The following DENND1B variants were observed in gnomAD, a reference collection of about 807,000 sequenced individuals.
DENND1B encodes the protein DENN domain-containing protein 1B.
Under a neutral mutation model 90.1 loss-of-function variants are expected in DENND1B, and 59 were observed. The observed-to-expected ratio is 0.65, with a 90% CI of 0.53 to 0.81. The LOEUF (loss-of-function observed/expected upper bound fraction) is 0.81, where lower values mean the gene tolerates loss of function less well. Among genes scored for constraint, DENND1B ranks in the 40% least tolerant of loss-of-function variants. The pLI is 0.00. For missense variants in DENND1B, 862 were observed against 912.6 expected, an observed-to-expected ratio of 0.94 and a Z score of 0.71; for synonymous variants, 337 against 324.6, an observed-to-expected ratio of 1.04 and a Z score of -0.41.
intron 6 of DENND1B, among the ~76,000 whole-genome samples, chr1:197,652,830 A>G (rs1338550452): frequency 6.6e-6 from 1 of 152,100 alleles, no homozygotes; most frequent in African/African-American, 2.4e-5. Flanking sequence ...TTGACCCACA[A>G]TAAATGGGAT....
intron 20 of DENND1B, among the ~76,000 whole-genome samples, chr1:197,529,433 A>C (rs1433260502): frequency 6.6e-6 from 1 of 151,456 alleles, no homozygotes; most frequent in African/African-American, 2.4e-5. Flanking sequence ...GCTTAACAAC[A>C]AAAAGCTTCA....
intron 5 of DENND1B, among the ~76,000 whole-genome samples, chr1:197,661,892 A>G (rs968065279): frequency 6.6e-6 from 1 of 152,054 alleles, no homozygotes; most frequent in Admixed American, 6.6e-5. Flanking sequence ...ATACAGATAA[A>G]TATAATTTAT....
At chr1:197,593,376 G>A in intron 14 of DENND1B, among the ~76,000 whole-genome samples, 1 of 147,940 alleles carries the variant, frequency 6.8e-6, no homozygotes, top group Non-Finnish European at 1.5e-5. Context: ...ACTAGCAGCA[G>A]AAATGAAAAC....
intron 10 of DENND1B, among the ~76,000 whole-genome samples, chr1:197,626,172 C>G (rs879100330): frequency 6.6e-6 from 1 of 152,044 alleles, no homozygotes; most frequent in East Asian, 1.9e-4. Flanking sequence ...CCAAGCAGAC[C>G]TAATAGACAT....
In DENND1B at chr1:197,682,685, A is replaced by C. The variant is rs530057292; in HGVS notation, c.127-8516T>G. ...TAAATAGAGAAATGAAGAGCGAATA[A>C]GAAGTTGGCCAGGCTACAGCATGAG... On this transcript the variant is annotated intron_variant, in intron 3 of 22. Transcript: ENST00000620048. Among the ~76,000 whole-genome samples, 7 of 152,254 alleles carry C rather than the reference A, an allele frequency of 4.6e-5. No individual in the cohort carries two copies. The East Asian group carries it at 1.4e-3, about 29-fold the overall frequency.
chr1:197,619,600 T>G (rs1572086817), intron 10 of DENND1B, among the ~76,000 whole-genome samples: 1 of 151,180 alleles, frequency 6.6e-6, no homozygotes, highest in Non-Finnish European at 1.5e-5. Context: ...AACACGTTCT[T>G]AATGTGAGGT....
chr1:197,671,768 T>A lies in DENND1B; in HGVS notation c.296+269A>T, dbSNP rs1052833183. 2.0e-5 allele frequency among the ~76,000 whole-genome samples: 3 copies of A among 152,082 alleles called. No individual in the cohort carries two copies. In the East Asian group the frequency reaches 5.8e-4, roughly 29 times the overall value. On this transcript the variant is annotated intron_variant, in intron 5 of 22. Coordinates refer to ENST00000620048, the MANE Select transcript of DENND1B (RefSeq NM_001195215.2). ...TATTCCATTTAATAGGTGAAACTCA[T>A]ATTATTTGAATACATCTCTTTATAT...
At chr1:197,608,653 T>C (rs562488483) in intron 12 of DENND1B, among the ~76,000 whole-genome samples, 1 of 150,722 alleles carries the variant, frequency 6.6e-6, no homozygotes, top group South Asian at 2.1e-4. Context: ...GATAATCTAA[T>C]AAACCTGATG....
rs752666928 is a variant in DENND1B at position 197,735,597 on chromosome 1, G to T, written c.83-20523C>A. On this transcript the variant is annotated intron_variant, in intron 2 of 22. Coordinates refer to ENST00000620048, the MANE Select transcript of DENND1B (RefSeq NM_001195215.2). Reference sequence around the variant, plus strand: ...CTAAAGGGTATTACTCGAAAATACAGGTTGGGGCCATCTTTTCTCCTCCCG... The same window carrying T: ...CTAAAGGGTATTACTCGAAAATACATGTTGGGGCCATCTTTTCTCCTCCCG... The T allele has an allele frequency of 2.5e-6, 4 of 1,614,146 alleles. No homozygotes were observed. The South Asian group carries it at 3.3e-5, about 13-fold the overall frequency.
rs1340210259 is a variant in DENND1B, at chr1:197,768,276, TA to T, written c.82+4591del. 5.3e-3 allele frequency among the ~76,000 whole-genome samples: 800 copies of T among 151,554 alleles called. 7 individuals are homozygous for T. Among genetic ancestry groups the T allele is most frequent in the African/African-American group, 0.018 (763 of 41,324 alleles). On this transcript the variant is annotated intron_variant, in intron 2 of 22. Transcript: ENST00000620048. ...CCTTTCCTCCTCCTCCTCCTCCTCC[TA>T]CTACTACTGCTACTATTACTACTTG...
chr1:197,674,221 G>T, intron 3 of DENND1B, 52 bp from the exon 4 acceptor site: 1 of 1,397,614 alleles, frequency 7.2e-7, no homozygotes, highest in Non-Finnish European at 9.8e-7. Flanking sequence ...TATTTTTTAA[G>T]AAGCAGTTAA....
At chr1:197,767,959 T>A (rs1655902054) in intron 2 of DENND1B, among the ~76,000 whole-genome samples, 1 of 152,148 alleles carries the variant, frequency 6.6e-6, no homozygotes, top group Non-Finnish European at 1.5e-5. Context: ...CTGGACAGAC[T>A]ACCCTGCGCA....
chr1:197,744,093 G>A (rs887203663), intron 2 of DENND1B, among the ~76,000 whole-genome samples: 28 of 152,100 alleles, frequency 1.8e-4, no homozygotes, highest in Admixed American at 1.1e-3. Context: ...TGTTACTTAC[G>A]CCACTGAAGT....
At chr1:197,752,214 C>A (rs1653656969) in intron 2 of DENND1B, among the ~76,000 whole-genome samples, 1 of 152,046 alleles carries the variant, frequency 6.6e-6, no homozygotes, top group South Asian at 2.1e-4. Flanking sequence ...CTTATCACTG[C>A]AGATCTTATG....
intron 13 of DENND1B, chr1:197,605,543 C>A (rs1299788157): frequency 1.3e-5 from 2 of 150,898 alleles, no homozygotes; most frequent in Non-Finnish European, 3.0e-5. Flanking sequence ...GTAGGAAGTA[C>A]ATGCATATAA....
chr1:197,543,727 G>C (rs183749492), intron 18 of DENND1B, among the ~76,000 whole-genome samples: 129 of 152,190 alleles, frequency 8.5e-4, no homozygotes, highest in Middle Eastern at 3.4e-3. Flanking sequence ...TATGGTTAGG[G>C]ATCAAATAAT....
intron 5 of DENND1B, 107 bp from the exon 6 acceptor site, chr1:197,658,476 CA>C: frequency 8.5e-6 from 6 of 706,008 alleles, no homozygotes; most frequent in South Asian, 4.7e-5. Flanking sequence ...TCCTGGAGGT[CA>C]AAAAAGAACT....
intron 15 of DENND1B, among the ~76,000 whole-genome samples, chr1:197,553,583 G>A (rs1033485243): frequency 1.3e-5 from 2 of 152,134 alleles, no homozygotes; most frequent in African/African-American, 4.8e-5. Context: ...TAGGAAATGT[G>A]ACACAGCAAG....
At chr1:197,540,554 A>T (rs1670262432) in intron 19 of DENND1B, among the ~76,000 whole-genome samples, 1 of 152,164 alleles carries the variant, frequency 6.6e-6, no homozygotes, top group Admixed American at 6.5e-5. Flanking sequence ...AACATTCTTC[A>T]TTTTAAAGTA....
Sources: allele counts gnomAD v4.1 joint callset (sites outside exome capture counted in the v4.1 genomes callset), GRCh38; gene constraint gnomAD v4.1.1; transcripts MANE v1.5; gene names NCBI Gene and HGNC (gene_info 2026-07-23, HGNC 2026-07-21).